Variants in GABRG2 observed in about 807,000 individuals in gnomAD.
GABRG2 encodes gamma-aminobutyric acid type A receptor subunit gamma2, also known as gamma-aminobutyric acid receptor subunit gamma-2.
A neutral mutation model predicts 56.4 loss-of-function variants in GABRG2; 16 were observed. The ratio of observed to expected loss-of-function variants is 0.28; its 90% CI spans 0.19 to 0.43. GABRG2 has a LOEUF of 0.43. Among genes scored for constraint, GABRG2 ranks in the 20% least tolerant of loss-of-function variants. The pLI, the probability that GABRG2 is intolerant of heterozygous loss-of-function variation, is 1.00. For missense variants in GABRG2, 327 were observed against 582.7 expected (o/e 0.56, Z 4.52); for synonymous variants, 208 against 205.5 (o/e 1.01, Z -0.10).
In GABRG2 at chr5:162,138,049, C is replaced by T. The variant is rs75688340; in HGVS notation, c.770-4115C>T. ...TGAGGGGATTCCAAGTGCGAGCCACCGTGCCCTCACTGCAGTCTTGATAAC... is the reference window on the plus strand; with the variant it reads ...TGAGGGGATTCCAAGTGCGAGCCACTGTGCCCTCACTGCAGTCTTGATAAC... On this transcript the variant is annotated intron_variant, in intron 6 of 9. Coordinates refer to ENST00000639213, the MANE Select transcript of GABRG2 (RefSeq NM_198904.4). Among the ~76,000 whole-genome samples the T allele has an allele frequency of 4.3e-3, 656 of 152,094 alleles. 7 individuals carry two copies. Among genetic ancestry groups the T allele is most frequent in the African/African-American group, 0.015 (632 of 41,484 alleles).
chr5:162,103,920 A>G lies in GABRG2; in HGVS notation c.663A>G (p.Gln221=). The G allele has an allele frequency of 1.2e-6, 2 of 1,614,004 alleles. No homozygotes were observed. Among genetic ancestry groups the G allele is most frequent in the East Asian group, 4.5e-5 (2 of 44,830 alleles). ...ATCCACGTGAAGAAATTGTTTATCA[A>G]TGGAAGCGAAGTTCTGTTGAAGTGG... The part of the protein sequence containing the change: ...YGYPREEIVY[Q]WKRSSVEVGD... Residue 221 remains glutamine, a synonymous_variant, in exon 6 of 10, where the codon CAA becomes CAG. Transcript: ENST00000639213.
intron 6 of GABRG2, among the ~76,000 whole-genome samples, chr5:162,127,718 G>A (rs913726166): frequency 2.0e-5 from 3 of 151,924 alleles, no homozygotes; most frequent in African/African-American, 7.2e-5. Context: ...AAATGCCCAA[G>A]AAAGGTAATC....
chr5:162,134,866 A>G (rs1481946444), intron 6 of GABRG2, among the ~76,000 whole-genome samples: 1 of 152,030 alleles, frequency 6.6e-6, no homozygotes, highest in Non-Finnish European at 1.5e-5. Context: ...AATGATTCAA[A>G]CCAGTTCCCA....
chr5:162,072,299 G>A (rs906269878), intron 1 of GABRG2, among the ~76,000 whole-genome samples: 1 of 151,914 alleles, frequency 6.6e-6, no homozygotes, highest in Admixed American at 6.6e-5. Context: ...CAATTTCCCA[G>A]CCATTCCAAG....
At chr5:162,101,541 C>T in intron 5 of GABRG2, 1 of 554,938 alleles carries the variant, frequency 1.8e-6, no homozygotes, top group Non-Finnish European at 3.2e-6. Flanking sequence ...AATAGGTTTC[C>T]TTGAGTTGCA....
intron 6 of GABRG2, among the ~76,000 whole-genome samples, chr5:162,130,905 A>G (rs1410319359): frequency 6.6e-6 from 1 of 152,006 alleles, no homozygotes; most frequent in Non-Finnish European, 1.5e-5. Context: ...GAGAGAGACC[A>G]TGAGGTCATC....
At chr5:162,070,515 C>A (rs776637096) in intron 1 of GABRG2, among the ~76,000 whole-genome samples, 13 of 151,370 alleles carry the variant, frequency 8.6e-5, no homozygotes, top group Non-Finnish European at 1.9e-4. Flanking sequence ...AGTAGCAGAA[C>A]CACCTAGAAA....
chr5:162,087,006 C>G (rs141417115), intron 1 of GABRG2, among the ~76,000 whole-genome samples: 1 of 152,062 alleles, frequency 6.6e-6, no homozygotes, highest in East Asian at 1.9e-4. Context: ...TCATTATTAG[C>G]AGATAATGCC....
chr5:162,101,009 T>A (rs1258401902), intron 4 of GABRG2, among the ~76,000 whole-genome samples: 5 of 152,070 alleles, frequency 3.3e-5, no homozygotes, highest in South Asian at 2.1e-4. Context: ...ATAAATATAG[T>A]TGAGGTAAGT....
Position 162,142,280 on chromosome 5 carries a change from A to G in GABRG2, c.886A>G (p.Ile296Val). 1 of 1,614,074 alleles carries G rather than the reference A, an allele frequency of 6.2e-7. No individual in the cohort carries two copies. The highest frequency in any genetic ancestry group is 8.5e-7 in the Non-Finnish European group (1 of 1,179,990). The change falls in exon 7 of 10, where the codon ATC becomes GTC. Residue 296 changes from isoleucine (I) to valine (V), a missense_variant. Physicochemically the swap from Ile to Val is conservative, Grantham distance 29 (BLOSUM62 3). Around this residue, in one of 4 missense-constraint regions of GABRG2, gnomAD observed 42 missense variants for 156.9 expected, o/e 0.27. Transcript: ENST00000639213. ...CGTCCTATCCTGGGTGTCTTTCTGG[A>G]TCAATAAGGATGCTGTTCCAGCCAG... ...IVVLSWVSFW[I>V]NKDAVPARTS...
chr5:162,107,711 C>A (rs192179961), intron 6 of GABRG2, among the ~76,000 whole-genome samples: 2 of 152,162 alleles, frequency 1.3e-5, no homozygotes, highest in African/African-American at 4.8e-5. Flanking sequence ...ACTATAATTC[C>A]TTCCTGATTG....
In GABRG2 at chr5:162,094,099, G is replaced by A. The variant is rs141677891; in HGVS notation, c.259+120G>A. On this transcript the variant is annotated intron_variant, in intron 2 of 9. Coordinates refer to ENST00000639213, the MANE Select transcript of GABRG2 (RefSeq NM_198904.4). ...AGATTTAAATTATACTTTTTTATAT[G>A]TTGTAAAAGTAGTGTTTAAATAGCA... 5.5e-5 allele frequency: 62 copies of A among 1,128,320 alleles called. No individual in the cohort carries two copies. In the African/African-American group the frequency reaches 9.0e-4, roughly 16 times the overall value. 69.9% of individuals were successfully genotyped at this position (1,128,320 alleles called of 1,614,324 possible). A position where few individuals can be genotyped will look rare whatever the true frequency, so the allele number is the denominator to read the frequency against.
Position 162,149,324 on chromosome 5 carries a change from T to C in GABRG2, c.1128+11T>C, listed in dbSNP as rs1765192474. 5 of 1,612,770 alleles carry C rather than the reference T, an allele frequency of 3.1e-6. No individual in the cohort carries two copies. Among genetic ancestry groups the C allele is most frequent in the African/African-American group, 1.3e-5 (1 of 75,018 alleles). ...AAGAAGAAAAACCCTGTATGTATCA[T>C]TTTCCATTGGCACCATTGAAATTTT... is the stretch of plus-strand genomic sequence containing the variant. On this transcript the variant is annotated intron_variant, in intron 8 of 9. Transcript: ENST00000639213.
intron 7 of GABRG2, among the ~76,000 whole-genome samples, chr5:162,144,709 C>T (rs1764829091): frequency 6.6e-6 from 1 of 152,162 alleles, no homozygotes; most frequent in African/African-American, 2.4e-5. Context: ...ATCTGCACCT[C>T]AGCTGATGAG....
intron 4 of GABRG2, chr5:162,098,214 G>T: frequency 3.8e-6 from 1 of 265,274 alleles, no homozygotes; most frequent in South Asian, 4.4e-5. Context: ...GGAAATAGTT[G>T]CTAAAAGAGA....
chr5:162,101,473 A>G lies in GABRG2; in HGVS notation c.631+156A>G, dbSNP rs1027590415. On this transcript the variant is annotated intron_variant, in intron 5 of 9. Coordinates refer to ENST00000639213, the MANE Select transcript of GABRG2 (RefSeq NM_198904.4). ...TGACCATCTCTTTCATCTTAATCCC[A>G]GCTTGCTCCGATTAGGGTGATTCCT... 2.2e-5 allele frequency: 15 copies of G among 692,182 alleles called. No individual in the cohort carries two copies. The African/African-American group carries it at 2.6e-4, about 12-fold the overall frequency. The allele number at this position is 692,182 out of a possible 1,614,324, so 42.9% of individuals were successfully genotyped here.
intron 1 of GABRG2, among the ~76,000 whole-genome samples, chr5:162,082,444 C>T (rs552839600): frequency 1.1e-4 from 17 of 151,830 alleles, no homozygotes; most frequent in African/African-American, 3.9e-4. Flanking sequence ...TTTGACGTAA[C>T]ACATGCTTAA....
At chr5:162,072,579 G>A (rs952515373) in intron 1 of GABRG2, among the ~76,000 whole-genome samples, 1 of 151,836 alleles carries the variant, frequency 6.6e-6, no homozygotes, top group South Asian at 2.1e-4. Flanking sequence ...TGCTGCCAGG[G>A]GATCAGACAC....
intron 6 of GABRG2, among the ~76,000 whole-genome samples, chr5:162,105,814 T>C (rs201667044): frequency 2.2e-4 from 33 of 147,582 alleles, no homozygotes; most frequent in African/African-American, 3.0e-4. Flanking sequence ...AGAAAACACA[T>C]ACACACACAC....
Sources: gnomAD v4.1 joint callset for allele counts (sites outside exome capture counted in the v4.1 genomes callset) on GRCh38, gnomAD v4.1.1 for gene constraint, gnomAD v4.1.1 regional missense constraint, MANE v1.5 for transcripts, NCBI Gene and HGNC (gene_info 2026-07-23, HGNC 2026-07-21) for gene names.